GUCA1B: variants seen among roughly 807,000 people sequenced by gnomAD.
GUCA1B encodes the protein guanylyl cyclase-activating protein 2.
In GUCA1B, 22 loss-of-function variants were observed where a neutral mutation model predicts 24.2. That is an observed-to-expected ratio of 0.91 (90% CI 0.65 to 1.30). The LOEUF (loss-of-function observed/expected upper bound fraction) is 1.30, where lower values mean the gene tolerates loss of function less well. GUCA1B is among the 50% of genes most tolerant of loss of function. The probability of loss-of-function intolerance (pLI) is 0.00; values close to 1 mark genes in which losing one functional copy is unlikely to be tolerated. For synonymous variants in GUCA1B, 100 were observed against 97.9 expected, an observed-to-expected ratio of 1.02 and a Z score of -0.13; for missense variants, 221 against 258.8, an observed-to-expected ratio of 0.85 and a Z score of 1.00.
chr6:42,194,542 C>T, intron 1 of GUCA1B, 72 bp downstream of exon 1: 1 of 922,318 alleles, frequency 1.1e-6, no homozygotes, highest in South Asian at 1.3e-5. Context: ...ACTGGGAGCT[C>T]TCCCTGAGGA....
intron 2 of GUCA1B, among the ~76,000 whole-genome samples, chr6:42,187,092 C>T (rs1582330806): frequency 7.0e-6 from 1 of 143,490 alleles, no homozygotes; most frequent in East Asian, 1.9e-4. Context: ...CTTTCTTCTA[C>T]TATCTTTCGA....
intron 3 of GUCA1B, 100 bp from the exon 4 acceptor site, chr6:42,185,042 T>C: frequency 9.3e-7 from 1 of 1,077,056 alleles, no homozygotes; most frequent in Non-Finnish European, 1.4e-6. Flanking sequence ...CTACACGTCT[T>C]ATGCCAACTA....
Position 42,184,106 on chromosome 6 carries a change from T to G in GUCA1B, c.*709A>C, listed in dbSNP as rs1768151662. On this transcript the variant is annotated 3_prime_UTR_variant, in exon 4 of 4. Transcript: ENST00000230361. ...CTTTTCTTTTCTTTCTTTTTTTTTT[T>G]TTGAGACGGAGTCTCACTGTCGTCC... is the stretch of plus-strand genomic sequence containing the variant. Among the ~76,000 whole-genome samples the G allele has an allele frequency of 6.6e-6, 1 of 151,626 alleles. No individual in the cohort carries two copies. Among genetic ancestry groups the G allele is most frequent in the Admixed American group, 6.6e-5 (1 of 15,254 alleles).
chr6:42,191,839 G>A (rs1302138635), intron 1 of GUCA1B, among the ~76,000 whole-genome samples: 1 of 152,126 alleles, frequency 6.6e-6, no homozygotes. Flanking sequence ...CGGATGGTAT[G>A]ATGAACCGAG....
At chr6:42,191,135 G>A (rs551662514) in intron 1 of GUCA1B, among the ~76,000 whole-genome samples, 2 of 152,310 alleles carry the variant, frequency 1.3e-5, no homozygotes, top group African/African-American at 4.8e-5. Flanking sequence ...GGAATAGGAT[G>A]GGCGTGTCAC....
rs570325744 is a variant in GUCA1B at position 42,184,357 on chromosome 6, C to T, written c.*458G>A. On this transcript the variant is annotated 3_prime_UTR_variant, in exon 4 of 4. Transcript: ENST00000230361. ...CTGCCCGCCTCGGCCTCCCAAAGTG[C>T]TGGGATTACAGGCGTGAGCCACCGT... 8.3e-6 allele frequency: 2 copies of T among 241,398 alleles called. No individual in the cohort carries two copies. The highest frequency in any genetic ancestry group is 2.2e-5 in the African/African-American group (1 of 44,902). The allele number at this position is 241,398 out of a possible 1,614,324, so 15.0% of individuals were successfully genotyped here. A position where few individuals can be genotyped will look rare whatever the true frequency, so the allele number is the denominator to read the frequency against.
chr6:42,189,556 G>A (rs2113846612), intron 1 of GUCA1B, among the ~76,000 whole-genome samples: 1 of 152,298 alleles, frequency 6.6e-6, no homozygotes, highest in East Asian at 1.9e-4. Context: ...AGGCAGACAG[G>A]CAGTGGCTCC....
rs1387859301 is a variant in GUCA1B at position 42,186,465 on chromosome 6, C to T, written c.358-668G>A. Reference sequence around the variant, plus strand: ...AAAATTAGCTGGGCAAGGTGGTGGGCGCCTGTAATCCCACCTACTCAGGAG... The same window carrying T: ...AAAATTAGCTGGGCAAGGTGGTGGGTGCCTGTAATCCCACCTACTCAGGAG... On this transcript the variant is annotated intron_variant, in intron 2 of 3. Transcript: ENST00000230361. Among the ~76,000 whole-genome samples, 14 of 152,154 alleles carry T rather than the reference C, an allele frequency of 9.2e-5. No homozygotes were observed. In the East Asian group the frequency reaches 1.9e-3, roughly 21 times the overall value.
intron 2 of GUCA1B, among the ~76,000 whole-genome samples, 181 bp downstream of exon 2, chr6:42,188,401 T>C (rs1768234664): frequency 6.6e-6 from 1 of 151,002 alleles, no homozygotes; most frequent in Admixed American, 6.6e-5. Context: ...TAATCTTTTT[T>C]TGATTGATTT....
Position 42,183,311 on chromosome 6 carries a change from T to C in GUCA1B, c.*1504A>G, listed in dbSNP as rs1768137748. Among the ~76,000 whole-genome samples the C allele has an allele frequency of 6.6e-6, 1 of 152,212 alleles. No individual in the cohort carries two copies. The highest frequency in any genetic ancestry group is 2.4e-5 in the African/African-American group (1 of 41,462). ...AGGTTTAATAGGTTAGTTTTATTTC[T>C]TATATACCAACATAAAAACCTATCT... On this transcript the variant is annotated 3_prime_UTR_variant, in exon 4 of 4. Transcript: ENST00000230361.
In GUCA1B at chr6:42,185,753, A is replaced by C. The variant is rs1456997067; in HGVS notation, c.402T>G (p.Thr134=). 1.9e-6 allele frequency: 3 copies of C among 1,613,636 alleles called. No homozygotes were observed. Among genetic ancestry groups the C allele is most frequent in the Non-Finnish European group, 1.7e-6 (2 of 1,179,698 alleles). ...CGGGTGTGAGCAGCTGGCCTTGCTC[A>C]GTTTGTAGCTCTCGCCGGCAGGCTT... ...LKKACRRELQ[T]EQGQLLTPEE... is the part of the protein sequence containing the mutation. The change falls in exon 3 of 4, where the codon ACT becomes ACG. Residue 134 remains threonine (T), a synonymous_variant. Coordinates refer to ENST00000230361, the MANE Select transcript of GUCA1B (RefSeq NM_002098.6).
At chr6:42,186,863 CTG>C (rs1326496305) in intron 2 of GUCA1B, among the ~76,000 whole-genome samples, 2 of 152,196 alleles carry the variant, frequency 1.3e-5, no homozygotes, top group Non-Finnish European at 2.9e-5. Flanking sequence ...GCTTCTTGCT[CTG>C]TGAAACAGGG....
chr6:42,192,038 CAAAAAAAAAAAAAGAAAAA>C (rs748491487), intron 1 of GUCA1B, among the ~76,000 whole-genome samples: 3 of 116,900 alleles, frequency 2.6e-5, no homozygotes, highest in Middle Eastern at 5.0e-3. Context: ...TATGATCATA[CAAAAAAAAAAAAAGAAAAA>C]AAAAAAGAAA....
chr6:42,187,456 T>G (rs1768215200), intron 2 of GUCA1B, among the ~76,000 whole-genome samples: 1 of 146,816 alleles, frequency 6.8e-6, no homozygotes, highest in Non-Finnish European at 1.5e-5. Flanking sequence ...GGTTTCACTC[T>G]GTTGCTCAGG....
chr6:42,194,321 T>G (rs1348861291), intron 1 of GUCA1B, among the ~76,000 whole-genome samples: 1 of 152,160 alleles, frequency 6.6e-6, no homozygotes, highest in Non-Finnish European at 1.5e-5. Context: ...AGAGAGGACC[T>G]GGACTGTCTG....
chr6:42,185,130 C>A (rs1303186131), intron 3 of GUCA1B, among the ~76,000 whole-genome samples, 188 bp from the exon 4 acceptor site: 3 of 152,176 alleles, frequency 2.0e-5, no homozygotes, highest in African/African-American at 7.2e-5. Flanking sequence ...CTTTAAGGGG[C>A]TTTCTTTGCT....
chr6:42,189,472 G>C (rs1368031275), intron 1 of GUCA1B, among the ~76,000 whole-genome samples: 1 of 152,226 alleles, frequency 6.6e-6, no homozygotes, highest in African/African-American at 2.4e-5. Flanking sequence ...GACTAAGACA[G>C]TTTTGAAGGA....
In GUCA1B at chr6:42,184,368, G is replaced by C. The variant is rs546875323; in HGVS notation, c.*447C>G. ...GGCCTCCCAAAGTGCTGGGATTACA[G>C]GCGTGAGCCACCGTGCCCGGCAACT... On this transcript the variant is annotated 3_prime_UTR_variant, in exon 4 of 4. Transcript: ENST00000230361. 2 of 271,894 alleles carry C rather than the reference G, an allele frequency of 7.4e-6. No individual in the cohort carries two copies. The highest frequency in any genetic ancestry group is 4.5e-5 in the Admixed American group (1 of 22,268). 16.8% of individuals were successfully genotyped at this position (271,894 alleles called of 1,614,324 possible). A position where few individuals can be genotyped will look rare whatever the true frequency, so the allele number is the denominator to read the frequency against.
At chr6:42,187,101 G>A (rs1209325564) in intron 2 of GUCA1B, among the ~76,000 whole-genome samples, 1 of 130,974 alleles carries the variant, frequency 7.6e-6, no homozygotes, top group Non-Finnish European at 1.5e-5. Context: ...ACTATCTTTC[G>A]ATTTATTTTA....
Sources: allele counts gnomAD v4.1 joint callset (sites outside exome capture counted in the v4.1 genomes callset), GRCh38; gene constraint gnomAD v4.1.1; transcripts MANE v1.5; gene names NCBI Gene and HGNC (gene_info 2026-07-23, HGNC 2026-07-21).